ALK: variants seen among roughly 807,000 people sequenced by gnomAD.
ALK encodes the protein ALK receptor tyrosine kinase.
Under a neutral mutation model 163.1 loss-of-function variants are expected in ALK, and 74 were observed. The observed-to-expected ratio is 0.45, with a 90% CI of 0.38 to 0.55. The LOEUF (loss-of-function observed/expected upper bound fraction) is 0.55, where lower values mean the gene tolerates loss of function less well. ALK is among the 20% of genes least tolerant of loss of function. The probability of loss-of-function intolerance (pLI) is 0.00; values close to 1 mark genes in which losing one functional copy is unlikely to be tolerated. For missense variants in ALK, 2,063 were observed against 2,105.3 expected, an observed-to-expected ratio of 0.98 and a Z score of 0.39; for synonymous variants, 960 against 843.2, an observed-to-expected ratio of 1.14 and a Z score of -2.40.
intron 9 of ALK, among the ~76,000 whole-genome samples, chr2:29,290,873 C>T (rs1341789244): frequency 1.3e-5 from 2 of 151,980 alleles, no homozygotes; most frequent in East Asian, 1.9e-4. Flanking sequence ...TAAGGGGAGA[C>T]TCCAGCTGTG....
chr2:29,234,672 G>A (rs191236138), intron 13 of ALK, among the ~76,000 whole-genome samples: 6 of 152,254 alleles, frequency 3.9e-5, no homozygotes, highest in East Asian at 1.9e-4. Flanking sequence ...AACACAGGTC[G>A]TTGTGGCATT....
intron 5 of ALK, among the ~76,000 whole-genome samples, chr2:29,342,657 C>T (rs936660506): frequency 6.6e-6 from 1 of 152,142 alleles, no homozygotes; most frequent in African/African-American, 2.4e-5. Flanking sequence ...CTAATGAAGA[C>T]TGTAGGACAG....
intron 3 of ALK, among the ~76,000 whole-genome samples, chr2:29,575,027 C>G (rs927465473): frequency 6.6e-6 from 1 of 152,214 alleles, no homozygotes; most frequent in Non-Finnish European, 1.5e-5. Context: ...AGCCCCGTTT[C>G]CTCCTGCAAG....
At chr2:29,236,554 C>T (rs116378955) in intron 13 of ALK, among the ~76,000 whole-genome samples, 1,714 of 152,296 alleles carry the variant, frequency 0.011, 40 homozygotes, top group African/African-American at 0.037. Context: ...ATCCCCCGCA[C>T]CCCTGCTTCT....
At chr2:29,550,368 T>G (rs1335991630) in intron 3 of ALK, among the ~76,000 whole-genome samples, 1 of 152,174 alleles carries the variant, frequency 6.6e-6, no homozygotes, top group Non-Finnish European at 1.5e-5. Flanking sequence ...GCTAGAGCCT[T>G]TCCCTGGACC....
chr2:29,838,658 C>G (rs1665625970), intron 1 of ALK, among the ~76,000 whole-genome samples: 1 of 152,080 alleles, frequency 6.6e-6, no homozygotes, highest in African/African-American at 2.4e-5. Flanking sequence ...GTGGAAGAAG[C>G]CAGACATGCA....
intron 3 of ALK, among the ~76,000 whole-genome samples, chr2:29,639,104 G>A (rs1228206957): frequency 6.6e-6 from 1 of 152,190 alleles, no homozygotes; most frequent in Non-Finnish European, 1.5e-5. Context: ...TATAGTAGAA[G>A]ACCTCATGCC....
chr2:29,209,702 G>A (rs1669411531), intron 25 of ALK, 84 bp downstream of exon 25: 2 of 986,050 alleles, frequency 2.0e-6, no homozygotes, highest in South Asian at 1.3e-5. Context: ...AGGAGATGAT[G>A]TAAGGGACAA....
At chr2:29,832,921 G>A (rs529354689) in intron 1 of ALK, among the ~76,000 whole-genome samples, 65 of 152,360 alleles carry the variant, frequency 4.3e-4, no homozygotes, top group African/African-American at 1.5e-3. Flanking sequence ...GAAGGCGGCA[G>A]TTGAGCTGGG....
At chr2:29,705,240 AATATATATATATATATATAT>A (rs1172702963) in intron 2 of ALK, among the ~76,000 whole-genome samples, 5 of 47,122 alleles carry the variant, frequency 1.1e-4, no homozygotes, top group South Asian at 9.5e-4. Flanking sequence ...AAAGAAAAGA[AATATATATATATATATATAT>A]ATATATATAT....
At chr2:29,797,134 C>G (rs114757528) in intron 1 of ALK, among the ~76,000 whole-genome samples, 1,984 of 152,010 alleles carry the variant, frequency 0.013, 17 homozygotes, top group South Asian at 0.031. Context: ...ATCCTAGCAA[C>G]CTTTCTTTAG....
chr2:29,379,210 G>T (rs984756005), intron 5 of ALK, among the ~76,000 whole-genome samples: 3 of 152,180 alleles, frequency 2.0e-5, no homozygotes, highest in African/African-American at 7.2e-5. Context: ...GTCTCTGGGG[G>T]CTGATGTCTC....
At chr2:29,839,703 A>G (rs1260814249) in intron 1 of ALK, among the ~76,000 whole-genome samples, 3 of 151,998 alleles carry the variant, frequency 2.0e-5, no homozygotes, top group South Asian at 2.1e-4. Context: ...ATCTCTGCCA[A>G]TAGAAAATTC....
intron 3 of ALK, among the ~76,000 whole-genome samples, chr2:29,589,735 C>A (rs1674993464): frequency 6.6e-6 from 1 of 152,114 alleles, no homozygotes; most frequent in Non-Finnish European, 1.5e-5. Flanking sequence ...TTACACTATC[C>A]CCATTTTATG....
At chr2:29,747,604 A>G (rs1210140206) in intron 1 of ALK, among the ~76,000 whole-genome samples, 1 of 152,244 alleles carries the variant, frequency 6.6e-6, no homozygotes, top group Admixed American at 6.5e-5. Context: ...TGTCCAGCAC[A>G]GGACCTAGCA....
At chr2:29,219,225 C>T (rs1239381660) in intron 23 of ALK, among the ~76,000 whole-genome samples, 2 of 152,160 alleles carry the variant, frequency 1.3e-5, no homozygotes, top group South Asian at 2.1e-4. Flanking sequence ...GTCTTTATCT[C>T]CCTGCTCCCT....
At position 29,500,595 on chromosome 2, in the gene ALK, A is replaced by G. The variant is rs561110904; in HGVS notation, c.1154+31320T>C. The stretch of plus-strand genomic sequence containing the variant: ...TTTCTGGAACCATCCCTTTATCCTC[A>G]TCATGTGCTCTAGTCCCTGACTTCA... On this transcript the variant is annotated intron_variant, in intron 4 of 28. Coordinates refer to ENST00000389048, the MANE Select transcript of ALK (RefSeq NM_004304.5). Among the ~76,000 whole-genome samples, 243 of 151,518 alleles carry G rather than the reference A, an allele frequency of 1.6e-3. 2 individuals carry two copies. The highest frequency in any genetic ancestry group is 0.014 in the Middle Eastern group (4 of 294).
At chr2:29,841,570 T>G (rs935454777) in intron 1 of ALK, among the ~76,000 whole-genome samples, 4 of 152,200 alleles carry the variant, frequency 2.6e-5, no homozygotes, top group Non-Finnish European at 5.9e-5. Context: ...TCAGTGTTCT[T>G]GGGAGCCCTC....
At position 29,329,582 on chromosome 2, in the gene ALK, T is replaced by C. The variant is rs73920782; in HGVS notation, c.1283-1101A>G. 7.8e-3 allele frequency among the ~76,000 whole-genome samples: 1,181 copies of C among 152,306 alleles called. 30 individuals carry two copies. Among genetic ancestry groups the C allele is most frequent in the African/African-American group, 0.026 (1,099 of 41,566 alleles). The stretch of plus-strand genomic sequence containing the variant: ...CAGTGCTCAGGGCAGTGGGGGAAGA[T>C]GAACTAGGACCCCACTTGGCTAAGT... On this transcript the variant is annotated intron_variant, in intron 5 of 28. Transcript: ENST00000389048.
Sources: allele counts gnomAD v4.1 joint callset (sites outside exome capture counted in the v4.1 genomes callset), GRCh38; gene constraint gnomAD v4.1.1; transcripts MANE v1.5; gene names NCBI Gene and HGNC (gene_info 2026-07-23, HGNC 2026-07-21).